Variants in DTD1 observed in about 807,000 individuals in gnomAD.
DTD1 encodes D-aminoacyl-tRNA deacylase 1, also known as D-tyrosyl-tRNA deacylase 1 homolog.
Under a neutral mutation model 25.6 loss-of-function variants are expected in DTD1, and 13 were observed. The ratio of observed to expected loss-of-function variants is 0.51; its 90% CI spans 0.33 to 0.81. The LOEUF is 0.81. DTD1 is among the 30% of genes least tolerant of loss of function. DTD1 has a pLI of 0.02. For missense variants in DTD1, 193 were observed against 266.4 expected (o/e 0.72, Z 1.92); for synonymous variants, 110 against 103.6 (o/e 1.06, Z -0.37).
intron 5 of DTD1, among the ~76,000 whole-genome samples, chr20:18,744,587 A>G (rs543829397): frequency 1.1e-3 from 158 of 145,592 alleles, no homozygotes; most frequent in African/African-American, 3.5e-3. Context: ...CAGGCAAGAG[A>G]GTATAAGGGT....
rs561252776 is a variant in DTD1, at chr20:18,588,553, G to A, written c.43+438G>A. Among the ~76,000 whole-genome samples, 78 of 152,264 alleles carry A rather than the reference G, an allele frequency of 5.1e-4. 1 individual carries two copies. Among genetic ancestry groups the A allele is most frequent in the Non-Finnish European group, 9.1e-4 (62 of 68,010 alleles). On this transcript the variant is annotated intron_variant, in intron 1 of 5. Transcript: ENST00000377452. ...ATGTTCAATTTTTGCCCATTTTTAC[G>A]TATTCCAATTTTTATGGGGCTTGAC... is the stretch of plus-strand genomic sequence containing the variant.
At chr20:18,614,716 C>T (rs1399380899) in intron 3 of DTD1, among the ~76,000 whole-genome samples, 1 of 152,118 alleles carries the variant, frequency 6.6e-6, no homozygotes, top group African/African-American at 2.4e-5. Context: ...GCTGTAGTAT[C>T]AGGAAGGGTT....
intron 4 of DTD1, among the ~76,000 whole-genome samples, chr20:18,639,056 A>G (rs1341883218): frequency 6.6e-6 from 1 of 151,982 alleles, no homozygotes. Flanking sequence ...ATTCCATGGC[A>G]TGAGTTTCTA....
chr20:18,665,797 C>T (rs77789048), intron 4 of DTD1, among the ~76,000 whole-genome samples: 37 of 152,200 alleles, frequency 2.4e-4, no homozygotes, highest in African/African-American at 7.9e-4. Context: ...TTTTTTCTCT[C>T]GCATGTTACA....
rs749598890 is a variant in DTD1 at position 18,588,081 on chromosome 20, C to G, written c.9C>G (p.Ala3=). 1 of 1,371,156 alleles carries G rather than the reference C, an allele frequency of 7.3e-7. No homozygotes were observed. The allele number at this position is 1,371,156 out of a possible 1,614,324, so 84.9% of individuals were successfully genotyped here. The part of the protein sequence containing the change: MK[A]VVQRVTRASV... The stretch of plus-strand genomic sequence containing the variant: ...TCGCCCCAGCCGCCGCCATGAAGGC[C>G]GTGGTGCAGCGCGTCACCCGGGCCA... Residue 3 remains alanine, a synonymous_variant, in exon 1 of 6, where the codon GCC becomes GCG. Transcript: ENST00000377452.
At chr20:18,713,658 T>C (rs2061168556) in intron 4 of DTD1, among the ~76,000 whole-genome samples, 1 of 152,220 alleles carries the variant, frequency 6.6e-6, no homozygotes, top group Non-Finnish European at 1.5e-5. Flanking sequence ...GCTGTTTTTT[T>C]CTGCATTGGT....
chr20:18,721,852 C>T (rs2061204715), intron 4 of DTD1, among the ~76,000 whole-genome samples: 1 of 144,224 alleles, frequency 6.9e-6, no homozygotes, highest in African/African-American at 2.5e-5. Context: ...GGCATTCCTC[C>T]TTCAGCTCCA....
chr20:18,618,637 T>G (rs1280983400), intron 3 of DTD1, among the ~76,000 whole-genome samples: 1 of 138,462 alleles, frequency 7.2e-6, no homozygotes, highest in Non-Finnish European at 1.6e-5. Context: ...GTATATATAA[T>G]TATACACATA....
intron 5 of DTD1, among the ~76,000 whole-genome samples, chr20:18,744,689 A>C (rs1049445874): frequency 1.3e-5 from 2 of 150,996 alleles, no homozygotes; most frequent in Non-Finnish European, 2.9e-5. Flanking sequence ...TAAAACCATC[A>C]GCTCTTGTGA....
At chr20:18,759,221 A>G (rs999268966) in intron 5 of DTD1, among the ~76,000 whole-genome samples, 3 of 152,178 alleles carry the variant, frequency 2.0e-5, no homozygotes, top group African/African-American at 7.2e-5. Context: ...GAATTGGAGC[A>G]TTTAGCCCAT....
chr20:18,712,102 A>G (rs2061161487), intron 4 of DTD1, among the ~76,000 whole-genome samples: 1 of 151,954 alleles, frequency 6.6e-6, no homozygotes, highest in Admixed American at 6.6e-5. Context: ...CTTCTTCCAC[A>G]AATATTTCTT....
chr20:18,712,928 G>A (rs2061165121), intron 4 of DTD1, among the ~76,000 whole-genome samples: 1 of 152,234 alleles, frequency 6.6e-6, no homozygotes, highest in African/African-American at 2.4e-5. Flanking sequence ...CATCTGGCAA[G>A]GCTCTCATGG....
At chr20:18,649,029 A>C (rs2060862344) in intron 4 of DTD1, among the ~76,000 whole-genome samples, 1 of 148,030 alleles carries the variant, frequency 6.8e-6, no homozygotes, top group African/African-American at 2.5e-5. Flanking sequence ...AGCAAATTTA[A>C]CTTGTATGTG....
chr20:18,681,517 A>G (rs952988276), intron 4 of DTD1, among the ~76,000 whole-genome samples: 10 of 152,216 alleles, frequency 6.6e-5, no homozygotes, highest in African/African-American at 1.7e-4. Context: ...AAGTTTTTCA[A>G]TATGAAAATG....
At chr20:18,640,382 A>G (rs1568655470) in intron 4 of DTD1, among the ~76,000 whole-genome samples, 1 of 152,172 alleles carries the variant, frequency 6.6e-6, no homozygotes, top group Non-Finnish European at 1.5e-5. Context: ...TACACTAAAA[A>G]TATTTTTGAC....
chr20:18,650,621 A>AT (rs2060870770), intron 4 of DTD1, among the ~76,000 whole-genome samples: 1 of 152,146 alleles, frequency 6.6e-6, no homozygotes, highest in Non-Finnish European at 1.5e-5. Flanking sequence ...TACTTTTTAC[A>AT]TTTATTGTCT....
At chr20:18,712,208 G>T (rs2061162015) in intron 4 of DTD1, among the ~76,000 whole-genome samples, 1 of 152,140 alleles carries the variant, frequency 6.6e-6, no homozygotes, top group Non-Finnish European at 1.5e-5. Flanking sequence ...TTGTTTTACA[G>T]TGATTAAGTC....
intron 5 of DTD1, among the ~76,000 whole-genome samples, chr20:18,760,084 A>C (rs1348057338): frequency 6.6e-6 from 1 of 152,146 alleles, no homozygotes; most frequent in Non-Finnish European, 1.5e-5. Context: ...TTTCAGCTCC[A>C]TCAGGTCCTT....
intron 1 of DTD1, 41 bp downstream of exon 1, chr20:18,588,156 A>C (rs1351858037): frequency 8.1e-7 from 1 of 1,232,704 alleles, no homozygotes; most frequent in South Asian, 3.5e-5. Context: ...GCCGCCCCTG[A>C]CCCCCGCGAC....
Sources: allele counts gnomAD v4.1 joint callset (sites outside exome capture counted in the v4.1 genomes callset), GRCh38; gene constraint gnomAD v4.1.1; transcripts MANE v1.5; gene names NCBI Gene and HGNC (gene_info 2026-07-23, HGNC 2026-07-21).